The following GRID2 variants were observed in gnomAD, a reference collection of about 807,000 sequenced individuals.
GRID2 encodes the protein glutamate receptor ionotropic, delta-2.
GRID2 carries 33 observed loss-of-function variants against 114.8 expected under a neutral mutation model. That is an observed-to-expected ratio of 0.29 (90% CI 0.22 to 0.38). The LOEUF (loss-of-function observed/expected upper bound fraction) is 0.38, where lower values mean the gene tolerates loss of function less well. Ranked by LOEUF, GRID2 falls within the 10% of genes least tolerant of loss-of-function variation. The pLI is 1.00. For missense variants in GRID2, 1,184 were observed against 1,257.7 expected (o/e 0.94, Z 0.89); for synonymous variants, 505 against 449.9 (o/e 1.12, Z -1.55).
chr4:93,630,690 G>A (rs1326759229), intron 14 of GRID2, among the ~76,000 whole-genome samples: 1 of 152,156 alleles, frequency 6.6e-6, no homozygotes, highest in Non-Finnish European at 1.5e-5. Context: ...TATATAAACA[G>A]TTGTTCAAAC....
chr4:92,905,492 T>C (rs1747877662), intron 2 of GRID2, among the ~76,000 whole-genome samples: 1 of 152,092 alleles, frequency 6.6e-6, no homozygotes, highest in South Asian at 2.1e-4. Flanking sequence ...TAAAATATGA[T>C]TGAATTTTTC....
intron 9 of GRID2, among the ~76,000 whole-genome samples, chr4:93,401,947 T>G (rs1196378716): frequency 1.3e-5 from 2 of 151,558 alleles, no homozygotes; most frequent in African/African-American, 4.8e-5. Flanking sequence ...TTTATGGAGA[T>G]TGTGACTGAT....
intron 2 of GRID2, among the ~76,000 whole-genome samples, chr4:92,927,126 C>A (rs2870654): frequency 9.2e-5 from 14 of 151,816 alleles, no homozygotes; most frequent in Admixed American, 2.0e-4. Context: ...TGGAGATAAA[C>A]CAATATAGTC....
At chr4:93,268,936 C>T (rs1751138931) in intron 8 of GRID2, among the ~76,000 whole-genome samples, 1 of 151,804 alleles carries the variant, frequency 6.6e-6, no homozygotes, top group Non-Finnish European at 1.5e-5. Flanking sequence ...CTTTCCTGAG[C>T]CTATTTTTAA....
chr4:93,149,782 T>G (rs1025779093), intron 4 of GRID2, among the ~76,000 whole-genome samples: 1 of 151,868 alleles, frequency 6.6e-6, no homozygotes, highest in African/African-American at 2.4e-5. Context: ...TGTAGGTCCA[T>G]GCAACACGAC....
chr4:92,489,707 G>C (rs1022808787), intron 1 of GRID2, among the ~76,000 whole-genome samples: 1 of 152,078 alleles, frequency 6.6e-6, no homozygotes, highest in Admixed American at 6.5e-5. Context: ...CTAGCAAGCG[G>C]TGGTGGTGCG....
At chr4:92,683,953 G>T (rs867010573) in intron 2 of GRID2, among the ~76,000 whole-genome samples, 2 of 151,704 alleles carry the variant, frequency 1.3e-5, no homozygotes, top group African/African-American at 4.8e-5. Flanking sequence ...TTTAAAAAAT[G>T]ATCAAAAACA....
At chr4:92,931,304 G>A (rs1311805337) in intron 2 of GRID2, among the ~76,000 whole-genome samples, 1 of 150,430 alleles carries the variant, frequency 6.6e-6, no homozygotes, top group Non-Finnish European at 1.5e-5. Context: ...GTTTTAAAAA[G>A]GTAAGACTGG....
At chr4:93,775,029 T>C (rs112750805), downstream of GRID2, among the ~76,000 whole-genome samples, 131 of 152,240 alleles carry the variant, frequency 8.6e-4, no homozygotes, top group African/African-American at 3.1e-3. Context: ...TTAATTTAGG[T>C]TCTAAGATTA....
At chr4:92,919,821 A>G (rs983932519) in intron 2 of GRID2, among the ~76,000 whole-genome samples, 6 of 152,164 alleles carry the variant, frequency 3.9e-5, no homozygotes, top group Non-Finnish European at 8.8e-5. Flanking sequence ...AGAAGAATGT[A>G]TATTCTGTTG....
chr4:93,250,706 GTA>G (rs1477238942), intron 8 of GRID2, among the ~76,000 whole-genome samples: 5 of 144,546 alleles, frequency 3.5e-5, no homozygotes, highest in South Asian at 4.3e-4. Flanking sequence ...ATGTGCATGC[GTA>G]TATATGTTTA....
At chr4:92,941,810 G>A (rs61120701) in intron 2 of GRID2, among the ~76,000 whole-genome samples, 12 of 152,024 alleles carry the variant, frequency 7.9e-5, no homozygotes, top group Admixed American at 1.3e-4. Context: ...TTATTTCTGC[G>A]TTCATTTTTT....
intron 13 of GRID2, among the ~76,000 whole-genome samples, chr4:93,614,538 G>A (rs938511167): frequency 6.6e-6 from 1 of 151,722 alleles, no homozygotes; most frequent in African/African-American, 2.4e-5. Flanking sequence ...ACATGAAATA[G>A]TCATTTATTT....
chr4:92,920,890 G>T (rs1278387720), intron 2 of GRID2, among the ~76,000 whole-genome samples: 1 of 152,048 alleles, frequency 6.6e-6, no homozygotes, highest in African/African-American at 2.4e-5. Flanking sequence ...TTTGAATGTT[G>T]GTCTGCCTTG....
intron 2 of GRID2, among the ~76,000 whole-genome samples, chr4:92,773,709 G>T (rs184662063): frequency 6.6e-6 from 1 of 151,752 alleles, no homozygotes; most frequent in African/African-American, 2.4e-5. Flanking sequence ...TTTAATTTTT[G>T]TTTTATCTAT....
At chr4:93,521,292 G>A (rs982511237) in intron 13 of GRID2, among the ~76,000 whole-genome samples, 9 of 152,092 alleles carry the variant, frequency 5.9e-5, no homozygotes, top group Non-Finnish European at 1.0e-4. Flanking sequence ...AGGCCACAAG[G>A]CTGGATGTGG....
At chr4:93,592,865 G>T (rs1348076384) in intron 13 of GRID2, among the ~76,000 whole-genome samples, 1 of 152,048 alleles carries the variant, frequency 6.6e-6, no homozygotes, top group African/African-American at 2.4e-5. Flanking sequence ...TTTCATCAGA[G>T]ACTAGGATTG....
At chr4:93,518,040 T>C (rs771617175) in intron 13 of GRID2, among the ~76,000 whole-genome samples, 1 of 112,374 alleles carries the variant, frequency 8.9e-6, no homozygotes, top group Non-Finnish European at 1.9e-5. Context: ...TATGTATATA[T>C]ACGCATATAC....
chr4:92,712,913 T>C (rs1735324748), intron 2 of GRID2, among the ~76,000 whole-genome samples: 1 of 152,110 alleles, frequency 6.6e-6, no homozygotes, highest in Non-Finnish European at 1.5e-5. Context: ...AACTCAGGGA[T>C]AGAGGAATGT....
Sources: allele counts gnomAD v4.1 joint callset (sites outside exome capture counted in the v4.1 genomes callset), GRCh38; gene constraint gnomAD v4.1.1; transcripts MANE v1.5; gene names NCBI Gene and HGNC (gene_info 2026-07-23, HGNC 2026-07-21).